Variants in NRG3 observed in about 807,000 individuals in gnomAD.
NRG3 encodes the protein neuregulin 3.
A neutral mutation model predicts 66.9 loss-of-function variants in NRG3; 31 were observed. The observed-to-expected ratio is 0.46, with a 90% CI of 0.35 to 0.63. The LOEUF is 0.63. Among genes scored for constraint, NRG3 ranks in the 20% least tolerant of loss-of-function variants. The pLI is 0.00. For synonymous variants in NRG3, 393 were observed against 359.4 expected (o/e 1.09, Z -1.06); for missense variants, 910 against 878.9 (o/e 1.04, Z -0.45).
At chr10:82,096,949 T>A (rs1469644530) in intron 1 of NRG3, among the ~76,000 whole-genome samples, 2 of 152,124 alleles carry the variant, frequency 1.3e-5, no homozygotes, top group East Asian at 1.9e-4. Flanking sequence ...AAAGAAAAAA[T>A]TTAAAATTTA....
At chr10:81,902,809 A>G (rs1204177454) in intron 1 of NRG3, among the ~76,000 whole-genome samples, 2 of 152,172 alleles carry the variant, frequency 1.3e-5, no homozygotes, top group Non-Finnish European at 2.9e-5. Flanking sequence ...CCTCTCTAGG[A>G]TTAAAATCTT....
chr10:82,496,046 C>G (rs1843601195), intron 2 of NRG3, among the ~76,000 whole-genome samples: 2 of 152,048 alleles, frequency 1.3e-5, no homozygotes. Flanking sequence ...AATATGAACT[C>G]AGATATGGTC....
chr10:82,946,654 T>A (rs928632311), intron 4 of NRG3, among the ~76,000 whole-genome samples: 1 of 152,160 alleles, frequency 6.6e-6, no homozygotes, highest in East Asian at 1.9e-4. Context: ...AGCAGTGTCA[T>A]ATCAGGCAGG....
intron 1 of NRG3, among the ~76,000 whole-genome samples, chr10:81,988,303 G>T (rs2060604345): frequency 6.6e-6 from 1 of 152,102 alleles, no homozygotes; most frequent in African/African-American, 2.4e-5. Flanking sequence ...GGCTCTGAAA[G>T]CTATGTTAAG....
intron 2 of NRG3, among the ~76,000 whole-genome samples, chr10:82,468,674 G>C (rs1840929870): frequency 1.3e-5 from 2 of 152,208 alleles, no homozygotes; most frequent in South Asian, 4.1e-4. Flanking sequence ...GAATAGAATA[G>C]TCTGCTGGCG....
chr10:82,443,718 A>G (rs141645333), intron 2 of NRG3, among the ~76,000 whole-genome samples: 1 of 152,212 alleles, frequency 6.6e-6, no homozygotes, highest in African/African-American at 2.4e-5. Flanking sequence ...GGGAGCATCT[A>G]GGAGGGATTA....
At position 81,970,296 on chromosome 10, in the gene NRG3, T is replaced by A. The variant is rs2059885523; in HGVS notation, c.823+94133T>A. On this transcript the variant is annotated intron_variant, in intron 1 of 8. Coordinates refer to ENST00000372141, the MANE Select transcript of NRG3 (RefSeq NM_001010848.4). ...GGTAAATCAACATGTCAGAGAGATGTTATTTGTTACTGGCTCTGTGACTAA... is the reference window on the plus strand; with the variant it reads ...GGTAAATCAACATGTCAGAGAGATGATATTTGTTACTGGCTCTGTGACTAA... Among the ~76,000 whole-genome samples, 3 of 152,198 alleles carry A rather than the reference T, an allele frequency of 2.0e-5. No individual in the cohort carries two copies. In the South Asian group the frequency reaches 6.2e-4, roughly 31 times the overall value.
At chr10:81,973,472 A>G (rs2060005541) in intron 1 of NRG3, among the ~76,000 whole-genome samples, 1 of 152,230 alleles carries the variant, frequency 6.6e-6, no homozygotes, top group Admixed American at 6.5e-5. Context: ...TAAATCTTCG[A>G]GGAGTCGCCA....
chr10:82,036,708 G>A (rs1195520946), intron 1 of NRG3, among the ~76,000 whole-genome samples: 2 of 152,080 alleles, frequency 1.3e-5, no homozygotes, highest in Non-Finnish European at 2.9e-5. Context: ...TAGAACTTTT[G>A]TAACTTGCAT....
intron 1 of NRG3, among the ~76,000 whole-genome samples, chr10:82,349,690 C>T (rs2083290297): frequency 6.6e-6 from 1 of 152,068 alleles, no homozygotes; most frequent in Non-Finnish European, 1.5e-5. Context: ...AGTTTGATCT[C>T]AGACTGCTGT....
intron 1 of NRG3, among the ~76,000 whole-genome samples, chr10:82,261,746 G>A (rs2078042940): frequency 6.6e-6 from 1 of 152,208 alleles, no homozygotes; most frequent in East Asian, 1.9e-4. Flanking sequence ...TGTCCTTAAG[G>A]CACAGATCAC....
chr10:82,724,222 T>A (rs1437297149), intron 2 of NRG3, among the ~76,000 whole-genome samples: 1 of 144,004 alleles, frequency 6.9e-6, no homozygotes, highest in Non-Finnish European at 1.5e-5. Flanking sequence ...CCTATGCTAC[T>A]TTTTTTTTTT....
intron 1 of NRG3, among the ~76,000 whole-genome samples, chr10:82,351,369 T>A (rs2083429820): frequency 6.6e-6 from 1 of 152,182 alleles, no homozygotes; most frequent in African/African-American, 2.4e-5. Context: ...AGCATCCAGA[T>A]TAATGCTGGA....
At chr10:82,081,196 T>TATGTAAATATG (rs1382379588) in intron 1 of NRG3, among the ~76,000 whole-genome samples, 35 of 152,300 alleles carry the variant, frequency 2.3e-4, no homozygotes, top group African/African-American at 8.4e-4. Context: ...AGATGGGGCT[T>TATGTAAATATG]CTGTAAATAT....
chr10:82,114,879 C>T (rs1014393330), intron 1 of NRG3, among the ~76,000 whole-genome samples: 3 of 152,102 alleles, frequency 2.0e-5, no homozygotes, highest in Admixed American at 1.3e-4. Flanking sequence ...CTTCATACAA[C>T]GCAAGTACTC....
intron 2 of NRG3, among the ~76,000 whole-genome samples, chr10:82,733,787 G>A (rs1342052043): frequency 6.6e-6 from 1 of 152,192 alleles, no homozygotes; most frequent in East Asian, 1.9e-4. Context: ...GAAATGTAAG[G>A]AGGCTGTTGA....
chr10:82,685,818 T>G (rs2054469239), intron 2 of NRG3, among the ~76,000 whole-genome samples: 1 of 152,206 alleles, frequency 6.6e-6, no homozygotes, highest in South Asian at 2.1e-4. Context: ...TTTAAACTTT[T>G]TTCTTAAAAG....
chr10:82,706,470 G>A (rs2056295359), intron 2 of NRG3, among the ~76,000 whole-genome samples: 1 of 152,042 alleles, frequency 6.6e-6, no homozygotes, highest in African/African-American at 2.4e-5. Context: ...CAACGTTAAA[G>A]CCTCTTGAAC....
In NRG3 at chr10:81,875,828, G is replaced by C. The variant is rs769229226; in HGVS notation, c.488G>C (p.Arg163Pro). ...AGCACTCGCCTGACCACCATCACGC[G>C]GGCGCCCACTCGCTTCCCCGGGCAC... ...RISTRLTTIT[R>P]APTRFPGHRV... The change falls in exon 1 of 9, where the codon CGG (arginine) becomes CCG (proline). Residue 163 changes from arginine to proline, a missense_variant. Coordinates refer to ENST00000372141, the MANE Select transcript of NRG3 (RefSeq NM_001010848.4). The surrounding 1 kb of genome is among the most constrained non-coding windows in gnomAD (Gnocchi z 5.3). The C allele has an allele frequency of 1.9e-6, 3 of 1,608,900 alleles. No homozygotes were observed. In the African/African-American group the frequency reaches 4.0e-5, roughly 21 times the overall value.
Sources: allele counts gnomAD v4.1 joint callset (sites outside exome capture counted in the v4.1 genomes callset), GRCh38; gene constraint gnomAD v4.1.1; non-coding constraint Gnocchi (gnomAD v3.1); transcripts MANE v1.5; gene names NCBI Gene and HGNC (gene_info 2026-07-23, HGNC 2026-07-21).